Variants in RAB31 observed in about 807,000 individuals in gnomAD.
The protein encoded by RAB31 is ras-related protein Rab-31.
A neutral mutation model predicts 25.6 loss-of-function variants in RAB31; 21 were observed. That is an observed-to-expected ratio of 0.82 (90% CI 0.58 to 1.18). The LOEUF (loss-of-function observed/expected upper bound fraction) is 1.18. Among genes scored for constraint, RAB31 ranks in the 50% most tolerant of loss-of-function variants. The pLI is 0.00. For synonymous variants in RAB31, 87 were observed against 84.0 expected (o/e 1.04, Z -0.20); for missense variants, 196 against 250.1 (o/e 0.78, Z 1.46).
chr18:9,844,237 C>T (rs1437093946), intron 5 of RAB31, among the ~76,000 whole-genome samples: 1 of 152,186 alleles, frequency 6.6e-6, no homozygotes. Flanking sequence ...GTGCCTCCCT[C>T]TCTCAGCTCC....
intron 6 of RAB31, among the ~76,000 whole-genome samples, chr18:9,850,649 T>C (rs555847682): frequency 2.6e-5 from 4 of 152,256 alleles, no homozygotes; most frequent in African/African-American, 7.2e-5. Flanking sequence ...ACTAGAGACA[T>C]TAGACCAGGT....
Position 9,785,269 on chromosome 18 carries a change from G to A in RAB31, c.120-6885G>A, listed in dbSNP as rs865931637. ...GCAGGAAATTCTCTTCCTAACCTGA[G>A]TATTATCTTCTTGGTGGAGCAAGGG... On this transcript the variant is annotated intron_variant, in intron 2 of 6. Transcript: ENST00000578921. 5.8e-5 allele frequency: 9 copies of A among 154,096 alleles called. 1 individual carries two copies. The Middle Eastern group carries it at 0.012, about 212-fold the overall frequency. 9.5% of individuals were successfully genotyped at this position (154,096 alleles called of 1,614,324 possible). A position where few individuals can be genotyped will look rare whatever the true frequency, so the allele number is the denominator to read the frequency against.
chr18:9,751,163 A>G (rs2068233298), intron 1 of RAB31, among the ~76,000 whole-genome samples: 1 of 152,074 alleles, frequency 6.6e-6, no homozygotes, highest in Non-Finnish European at 1.5e-5. Context: ...ACTCCCGAGT[A>G]GCTGGGACTA....
At chr18:9,721,813 G>A (rs559466157) in intron 1 of RAB31, among the ~76,000 whole-genome samples, 1 of 152,176 alleles carries the variant, frequency 6.6e-6, no homozygotes, top group African/African-American at 2.4e-5. Context: ...CACAAATACC[G>A]AGTGTGGCAG....
chr18:9,738,189 G>A (rs2068160027), intron 1 of RAB31, among the ~76,000 whole-genome samples: 1 of 152,222 alleles, frequency 6.6e-6, no homozygotes, highest in Non-Finnish European at 1.5e-5. Flanking sequence ...TAACTGTGGG[G>A]TGGGTGGTGG....
chr18:9,856,859 CTT>C (rs1227184329), intron 6 of RAB31, among the ~76,000 whole-genome samples: 1 of 152,134 alleles, frequency 6.6e-6, no homozygotes, highest in Non-Finnish European at 1.5e-5. Context: ...GTAAGTAACT[CTT>C]TATTGGCAAG....
intron 3 of RAB31, among the ~76,000 whole-genome samples, chr18:9,795,224 C>T (rs1433137718): frequency 6.6e-6 from 1 of 152,076 alleles, no homozygotes; most frequent in African/African-American, 2.4e-5. Flanking sequence ...ATCTCTCACC[C>T]TATACAAAAA....
chr18:9,823,803 C>T (rs371599497), intron 5 of RAB31, among the ~76,000 whole-genome samples: 1 of 152,110 alleles, frequency 6.6e-6, no homozygotes, highest in Non-Finnish European at 1.5e-5. Flanking sequence ...AAAAGATAAA[C>T]AGGGTAACTG....
intron 3 of RAB31, among the ~76,000 whole-genome samples, chr18:9,813,278 T>C (rs899691249): frequency 6.6e-6 from 1 of 152,138 alleles, no homozygotes; most frequent in Non-Finnish European, 1.5e-5. Context: ...TGCTGACTGG[T>C]CCTCATTAAT....
intron 2 of RAB31, among the ~76,000 whole-genome samples, chr18:9,791,010 T>G (rs1308046702): frequency 2.6e-5 from 4 of 152,246 alleles, no homozygotes; most frequent in Non-Finnish European, 5.9e-5. Context: ...TAGTAAGTGT[T>G]TAATGATCTA....
rs907200114 is a variant in RAB31, at chr18:9,742,292, C to G, written c.40-32986C>G. On this transcript the variant is annotated intron_variant, in intron 1 of 6. Coordinates refer to ENST00000578921, the MANE Select transcript of RAB31 (RefSeq NM_006868.4). ...TTCAAAGACTCCTAGGGGCAAACTT[C>G]TACTGCTTCCTACTGAAGAGTGGAT... is the stretch of plus-strand genomic sequence containing the variant. Among the ~76,000 whole-genome samples, 4 of 152,228 alleles carry G rather than the reference C, an allele frequency of 2.6e-5. No individual in the cohort carries two copies. In the East Asian group the frequency reaches 7.7e-4, roughly 29 times the overall value.
intron 5 of RAB31, among the ~76,000 whole-genome samples, chr18:9,841,404 T>C (rs2068733036): frequency 6.6e-6 from 1 of 151,758 alleles, no homozygotes; most frequent in African/African-American, 2.4e-5. Context: ...CCGAGCGTGG[T>C]GGCAGGCGCC....
intron 1 of RAB31, among the ~76,000 whole-genome samples, chr18:9,750,337 CG>C (rs2068228122): frequency 6.6e-6 from 1 of 152,184 alleles, no homozygotes; most frequent in Non-Finnish European, 1.5e-5. Context: ...GTCTGCGTCC[CG>C]GTTGACCCTG....
intron 1 of RAB31, among the ~76,000 whole-genome samples, chr18:9,768,204 C>G (rs2068326221): frequency 6.6e-6 from 1 of 152,106 alleles, no homozygotes; most frequent in Non-Finnish European, 1.5e-5. Flanking sequence ...ATTTATAATC[C>G]TTTGTGTATA....
At chr18:9,822,789 T>A (rs2068630286) in intron 5 of RAB31, among the ~76,000 whole-genome samples, 1 of 152,162 alleles carries the variant, frequency 6.6e-6, no homozygotes, top group African/African-American at 2.4e-5. Context: ...ATGGAAAAAC[T>A]GAGTCATCCA....
intron 3 of RAB31, among the ~76,000 whole-genome samples, chr18:9,795,668 CA>C (rs139283287): frequency 0.022 from 3,399 of 152,236 alleles, 121 homozygotes; most frequent in African/African-American, 0.078. Context: ...AAATGAAAAT[CA>C]AAACCACAAT....
intron 1 of RAB31, among the ~76,000 whole-genome samples, chr18:9,757,377 A>G (rs1409549398): frequency 6.6e-6 from 1 of 152,214 alleles, no homozygotes; most frequent in Non-Finnish European, 1.5e-5. Flanking sequence ...TACACCCTAC[A>G]TTGGGAGGAC....
At chr18:9,821,090 C>G (rs1165019284) in intron 5 of RAB31, among the ~76,000 whole-genome samples, 4 of 151,998 alleles carry the variant, frequency 2.6e-5, no homozygotes, top group African/African-American at 9.7e-5. Flanking sequence ...TAACTAATCT[C>G]AAAATATTTT....
At chr18:9,741,853 C>T (rs1413968783) in intron 1 of RAB31, among the ~76,000 whole-genome samples, 4 of 152,214 alleles carry the variant, frequency 2.6e-5, no homozygotes, top group Admixed American at 6.5e-5. Flanking sequence ...GCTTTATGAG[C>T]GGGACATACC....
Sources: allele counts gnomAD v4.1 joint callset (sites outside exome capture counted in the v4.1 genomes callset), GRCh38; gene constraint gnomAD v4.1.1; transcripts MANE v1.5; gene names NCBI Gene and HGNC (gene_info 2026-07-23, HGNC 2026-07-21).